RBM39: variants seen among roughly 807,000 people sequenced by gnomAD.
The protein encoded by RBM39 is RNA binding motif protein 39, also known as RNA-binding protein 39.
In RBM39, 12 loss-of-function variants were observed where a neutral mutation model predicts 79.6. That is an observed-to-expected ratio of 0.15 (90% CI 0.10 to 0.24). RBM39 has a LOEUF of 0.24. Among genes scored for constraint, RBM39 ranks in the 10% least tolerant of loss-of-function variants. RBM39 has a pLI of 1.00. For synonymous variants in RBM39, 185 were observed against 208.4 expected, an observed-to-expected ratio of 0.89 and a Z score of 0.97; for missense variants, 243 against 653.4, an observed-to-expected ratio of 0.37 and a Z score of 6.85.
At chr20:35,727,358 A>C (rs1276458356) in intron 6 of RBM39, among the ~76,000 whole-genome samples, 1 of 151,332 alleles carries the variant, frequency 6.6e-6, no homozygotes, top group Non-Finnish European at 1.5e-5. Flanking sequence ...TCAAAAAATA[A>C]AAAATAAAAA....
chr20:35,727,310 A>C (rs1412670698), intron 6 of RBM39, among the ~76,000 whole-genome samples: 1 of 151,886 alleles, frequency 6.6e-6, no homozygotes, highest in Admixed American at 6.6e-5. Context: ...TGATTGCGTC[A>C]CTGCACTATA....
At chr20:35,716,516 T>A (rs556329518) in intron 10 of RBM39, among the ~76,000 whole-genome samples, 1 of 152,324 alleles carries the variant, frequency 6.6e-6, no homozygotes, top group East Asian at 1.9e-4. Flanking sequence ...TTCACATTCA[T>A]GTGTGAGCTG....
intron 6 of RBM39, among the ~76,000 whole-genome samples, chr20:35,727,762 G>T (rs190013609): frequency 3.6e-3 from 550 of 151,638 alleles, no homozygotes; most frequent in African/African-American, 0.012. Context: ...CGATTCTCCT[G>T]CCTCAGCCTC....
rs73618514 is a variant in RBM39 at position 35,712,793 on chromosome 20, G to A, written c.1174+226C>T. Among the ~76,000 whole-genome samples the A allele has an allele frequency of 3.1e-3, 469 of 151,932 alleles. 3 individuals carry two copies. The East Asian group carries it at 0.041, about 13-fold the overall frequency. On this transcript the variant is annotated intron_variant, in intron 12 of 16. Coordinates refer to ENST00000253363, the MANE Select transcript of RBM39 (RefSeq NM_184234.3). ...AAATAAACTTATGTCAATGAATTTC[G>A]ACTAAAAACTGGGGTGCAGGGTTTA...
At chr20:35,728,950 C>T (rs1033880308) in intron 6 of RBM39, among the ~76,000 whole-genome samples, 1 of 151,828 alleles carries the variant, frequency 6.6e-6, no homozygotes, top group Admixed American at 6.6e-5. Flanking sequence ...GTGGTGCATG[C>T]CTGTAATCCC....
At chr20:35,733,414 C>T (rs996461348) in intron 3 of RBM39, among the ~76,000 whole-genome samples, 2 of 151,826 alleles carry the variant, frequency 1.3e-5, no homozygotes, top group African/African-American at 2.4e-5. Flanking sequence ...TCAAGACCAG[C>T]CTAGTCGACA....
intron 3 of RBM39, among the ~76,000 whole-genome samples, chr20:35,738,512 GC>G (rs1208899173): frequency 3.9e-5 from 6 of 152,126 alleles, no homozygotes; most frequent in Non-Finnish European, 5.9e-5. Context: ...TTCCAAAAGG[GC>G]CTCTGAGCAG....
intron 1 of RBM39, 138 bp from the exon 2 acceptor site, chr20:35,741,025 TTTTTC>T (rs2040445267): frequency 1.1e-5 from 4 of 369,008 alleles, no homozygotes; most frequent in South Asian, 3.2e-5. Flanking sequence ...TGAGTAAACA[TTTTTC>T]TTTTTTTTTT....
intron 8 of RBM39, among the ~76,000 whole-genome samples, chr20:35,722,539 T>C (rs1034788724): frequency 6.8e-6 from 1 of 146,742 alleles, no homozygotes; most frequent in Non-Finnish European, 1.5e-5. Flanking sequence ...GTGATCATCC[T>C]TCCTTCTCAT....
At chr20:35,728,594 T>C (rs1312836018) in intron 6 of RBM39, among the ~76,000 whole-genome samples, 3 of 151,984 alleles carry the variant, frequency 2.0e-5, no homozygotes, top group African/African-American at 4.8e-5. Context: ...CTGACCAACA[T>C]GGTGAAACCC....
chr20:35,721,004 C>T (rs2425097), intron 9 of RBM39, among the ~76,000 whole-genome samples: 39,260 of 152,118 alleles, frequency 0.26, 5,862 homozygotes, highest in African/African-American at 0.42. Context: ...TGGTGCCATC[C>T]CAGCTCACTG....
In RBM39 at chr20:35,742,116, A is replaced by T. The variant is rs1227671595; in HGVS notation, c.-189T>A. The T allele has an allele frequency of 6.1e-6, 1 of 164,188 alleles. No homozygotes were observed. Among genetic ancestry groups the T allele is most frequent in the South Asian group, 1.1e-4 (1 of 9,150 alleles). 10.2% of individuals were successfully genotyped at this position (164,188 alleles called of 1,614,324 possible). A position where few individuals can be genotyped will look rare whatever the true frequency, so the allele number is the denominator to read the frequency against. On this transcript the variant is annotated 5_prime_UTR_variant, in exon 1 of 17. Transcript: ENST00000253363. ...AGGACGGCTAGGCCCGAGAGAATCT[A>T]AAAAAAACAATGGAATTAGAGAAGC...
intron 8 of RBM39, 112 bp downstream of exon 8, chr20:35,724,458 C>T: frequency 2.2e-6 from 2 of 902,434 alleles, no homozygotes; most frequent in Non-Finnish European, 3.1e-6. Context: ...GTCCTGAAAA[C>T]ATCCGACTCA....
chr20:35,734,290 G>C (rs1386398046), intron 3 of RBM39: 9 of 1,191,380 alleles, frequency 7.6e-6, no homozygotes. Context: ...CTGACTGTCA[G>C]AAATGTATAT....
At chr20:35,734,909 C>G (rs756788913) in intron 3 of RBM39, 2 of 1,570,536 alleles carry the variant, frequency 1.3e-6, no homozygotes, top group South Asian at 2.4e-5. Flanking sequence ...AAGGGACTTT[C>G]CAAAGTCTTT....
At chr20:35,704,895 G>T in intron 15 of RBM39, 149 bp from the exon 16 acceptor site, 1 of 647,080 alleles carries the variant, frequency 1.5e-6, no homozygotes, top group Non-Finnish European at 2.6e-6. Context: ...AGGTATACTA[G>T]AATTTTATTA....
chr20:35,719,665 G>C (rs1371569378), intron 9 of RBM39, among the ~76,000 whole-genome samples: 1 of 152,100 alleles, frequency 6.6e-6, no homozygotes. Flanking sequence ...CGCAAGGAGT[G>C]AAACTCCCAT....
Position 35,716,741 on chromosome 20 carries a change from G to T in RBM39, c.890C>A (p.Thr297Lys). 1.3e-6 allele frequency: 2 copies of T among 1,548,204 alleles called. No homozygotes were observed. The highest frequency in any genetic ancestry group is 1.8e-6 in the Non-Finnish European group (2 of 1,129,262). Residue 297 changes from threonine to lysine, a missense_variant and splice_region_variant, in exon 10 of 17, where the codon ACA becomes AAA. Around this residue, in one of 4 missense-constraint regions of RBM39, gnomAD observed 61 missense variants for 322.9 expected, o/e 0.19. Coordinates refer to ENST00000253363, the MANE Select transcript of RBM39 (RefSeq NM_184234.3). ...TGRSKGYGFI[T>K]FSDSECAKKA... ...AATATAATTATGGTAATTACTTACT[G>T]TAATAAATCCATATCCCTTGGATCG...
chr20:35,709,152 A>G, intron 13 of RBM39, 72 bp downstream of exon 13: 2 of 1,366,612 alleles, frequency 1.5e-6, no homozygotes, highest in Admixed American at 4.1e-5. Flanking sequence ...GACAATAAAT[A>G]TAGAAAACTG....
Sources: gnomAD v4.1 joint callset for allele counts (sites outside exome capture counted in the v4.1 genomes callset) on GRCh38, gnomAD v4.1.1 for gene constraint, gnomAD v4.1.1 regional missense constraint, MANE v1.5 for transcripts, NCBI Gene and HGNC (gene_info 2026-07-23, HGNC 2026-07-21) for gene names.